Variants in GPRIN3 observed in about 807,000 individuals in gnomAD.
The protein encoded by GPRIN3 is G protein-regulated inducer of neurite outgrowth 3.
A neutral mutation model predicts 13.7 loss-of-function variants in GPRIN3; 12 were observed. The observed-to-expected ratio is 0.87, with a 90% CI of 0.56 to 1.42. The LOEUF is 1.42. GPRIN3 is among the 40% of genes most tolerant of loss of function. The pLI, the probability that GPRIN3 is intolerant of heterozygous loss-of-function variation, is 0.00. For synonymous variants in GPRIN3, 377 were observed against 372.7 expected, an observed-to-expected ratio of 1.01 and a Z score of -0.13; for missense variants, 1,009 against 958.7, an observed-to-expected ratio of 1.05 and a Z score of -0.69.
At chr4:89,273,721 C>T (rs1325992643) in intron 1 of GPRIN3, among the ~76,000 whole-genome samples, 5 of 152,124 alleles carry the variant, frequency 3.3e-5, no homozygotes, top group Admixed American at 3.3e-4. Flanking sequence ...ACACATGCCT[C>T]ATGATTACAG....
In GPRIN3 at chr4:89,246,256, TC is replaced by T. The variant is rs1331878339; in HGVS notation, c.*1523del. On this transcript the variant is annotated 3_prime_UTR_variant, in exon 2 of 2. Coordinates refer to ENST00000609438, the MANE Select transcript of GPRIN3 (RefSeq NM_198281.3). ...TTCTAGCTCATTACGGGGAATGAGT[TC>T]AAAGAAGACAACCGGTGCCCCTCCA... 1 of 152,174 alleles carries T rather than the reference TC, an allele frequency of 6.6e-6. No individual in the cohort carries two copies. The highest frequency in any genetic ancestry group is 1.9e-4 in the East Asian group (1 of 5,184). The allele number at this position is 152,174 out of a possible 1,614,324, so 9.4% of individuals were successfully genotyped here. A position where few individuals can be genotyped will look rare whatever the true frequency, so the allele number is the denominator to read the frequency against.
chr4:89,253,826 ATC>A (rs1445397167), intron 1 of GPRIN3, among the ~76,000 whole-genome samples: 4 of 152,114 alleles, frequency 2.6e-5, no homozygotes, highest in African/African-American at 9.7e-5. Context: ...CTACTCTCCA[ATC>A]TGTCTGCTAA....
rs533566960 is a variant in GPRIN3 at position 89,246,534 on chromosome 4, T to A, written c.*1246A>T. The A allele has an allele frequency of 6.6e-6, 1 of 152,338 alleles. No homozygotes were observed. The highest frequency in any genetic ancestry group is 2.1e-4 in the South Asian group (1 of 4,824). 9.4% of individuals were successfully genotyped at this position (152,338 alleles called of 1,614,324 possible). On this transcript the variant is annotated 3_prime_UTR_variant, in exon 2 of 2. Coordinates refer to ENST00000609438, the MANE Select transcript of GPRIN3 (RefSeq NM_198281.3). ...AATCCACCCAAATCACAAGCCATGT[T>A]TTCGTAAAGGCCTCTTCTTTCATTG... is the stretch of plus-strand genomic sequence containing the variant.
At position 89,237,903 on chromosome 4, in the gene GPRIN3, A is replaced by G. The variant is rs1479096387; in HGVS notation, c.*9877T>C. ...GGCTGGAAACGGCACCTAATGAAAC[A>G]AACACCCACTGGTGGGACATAAACA... is the stretch of plus-strand genomic sequence containing the variant. On this transcript the variant is annotated 3_prime_UTR_variant, in exon 2 of 2. Transcript: ENST00000609438. The G allele has an allele frequency of 2.0e-5, 3 of 152,206 alleles. No homozygotes were observed. Among genetic ancestry groups the G allele is most frequent in the African/African-American group, 7.2e-5 (3 of 41,448 alleles). 9.4% of individuals were successfully genotyped at this position (152,206 alleles called of 1,614,324 possible).
At chr4:89,292,463 TC>T (rs1340330846) in intron 1 of GPRIN3, among the ~76,000 whole-genome samples, 7 of 152,206 alleles carry the variant, frequency 4.6e-5, no homozygotes, top group South Asian at 2.1e-4. Flanking sequence ...ACAAATTAGA[TC>T]ACATATATTT....
At chr4:89,300,703 A>G (rs1364872931) in intron 1 of GPRIN3, among the ~76,000 whole-genome samples, 1 of 152,096 alleles carries the variant, frequency 6.6e-6, no homozygotes, top group African/African-American at 2.4e-5. Context: ...ATTTTCACTC[A>G]CTTAATCAGA....
intron 1 of GPRIN3, among the ~76,000 whole-genome samples, chr4:89,259,195 GTGGGAGGAATAGACTTTTT>G (rs1168833165): frequency 6.6e-6 from 1 of 152,076 alleles, no homozygotes; most frequent in Non-Finnish European, 1.5e-5. Flanking sequence ...TTTCATTCAG[GTGGGAGGAATAGACTTTTT>G]TGGTCCGTTT....
At position 89,249,410 on chromosome 4, in the gene GPRIN3, G is replaced by A. The variant is rs1321203361; in HGVS notation, c.701C>T (p.Ser234Phe). ...QGAICDSEMRSCKPLTRESGC... is the reference protein window; with the variant it reads ...QGAICDSEMRFCKPLTRESGC... ...AGATTCTCTAGTTAGAGGTTTACAGGACCTCATTTCAGAGTCACAGATGGC... is the reference window on the plus strand; with the variant it reads ...AGATTCTCTAGTTAGAGGTTTACAGAACCTCATTTCAGAGTCACAGATGGC... Residue 234 changes from serine to phenylalanine, a missense_variant, in exon 2 of 2, where the codon TCC (serine) becomes TTC (phenylalanine). Coordinates refer to ENST00000609438, the MANE Select transcript of GPRIN3 (RefSeq NM_198281.3). The A allele has an allele frequency of 1.2e-6, 2 of 1,613,980 alleles. No individual in the cohort carries two copies. The highest frequency in any genetic ancestry group is 2.7e-5 in the African/African-American group (2 of 74,898).
chr4:89,247,966 T>C lies in GPRIN3; in HGVS notation c.2145A>G (p.Arg715=). 1 of 1,614,190 alleles carries C rather than the reference T, an allele frequency of 6.2e-7. No homozygotes were observed. Residue 715 remains arginine, a synonymous_variant, in exon 2 of 2, where the codon AGA becomes AGG. Transcript: ENST00000609438. Reference sequence around the variant, plus strand: ...TTAATTTCTCATGTTCCCTGATTTGTCTTTGCAAATGGTTCTGGATCGCGA... The same window carrying C: ...TTAATTTCTCATGTTCCCTGATTTGCCTTTGCAAATGGTTCTGGATCGCGA... ...LGIAIQNHLQ[R]QIREHEKLIK... is the part of the protein sequence containing the mutation.
At chr4:89,267,140 A>G (rs1264784482) in intron 1 of GPRIN3, among the ~76,000 whole-genome samples, 1 of 152,224 alleles carries the variant, frequency 6.6e-6, no homozygotes, top group Admixed American at 6.5e-5. Context: ...AGCAAAATGT[A>G]AAAGAAGGGT....
At position 89,249,984 on chromosome 4, in the gene GPRIN3, T is replaced by A. The variant is rs1723278812; in HGVS notation, c.127A>T (p.Asn43Tyr). 3.1e-6 allele frequency: 5 copies of A among 1,614,218 alleles called. No homozygotes were observed. Among genetic ancestry groups the A allele is most frequent in the Non-Finnish European group, 4.2e-6 (5 of 1,180,018 alleles). Reference protein sequence around the residue: ...PRHRPALLCKNANGFSGAPAE... With the variant: ...PRHRPALLCKYANGFSGAPAE... ...GGGGCACCTGAAAAGCCATTGGCATTCTTACACAGGAGAGCTGGTCGATGC... is the reference window on the plus strand; with the variant it reads ...GGGGCACCTGAAAAGCCATTGGCATACTTACACAGGAGAGCTGGTCGATGC... Residue 43 changes from asparagine (N) to tyrosine (Y), a missense_variant, in exon 2 of 2, where the codon AAT (asparagine) becomes TAT (tyrosine). By Grantham distance (143) the Asn-to-Tyr change is moderately radical. Transcript: ENST00000609438.
chr4:89,268,270 A>G (rs1415947770), intron 1 of GPRIN3, among the ~76,000 whole-genome samples: 2 of 152,358 alleles, frequency 1.3e-5, no homozygotes, highest in East Asian at 1.9e-4. Context: ...CAATGTTGTT[A>G]GTAAGAATAC....
At chr4:89,301,415 T>C (rs1314726158) in intron 1 of GPRIN3, among the ~76,000 whole-genome samples, 1 of 152,216 alleles carries the variant, frequency 6.6e-6, no homozygotes, top group East Asian at 1.9e-4. Context: ...CAAATCTTGA[T>C]AATATTTGCA....
chr4:89,254,033 A>G (rs914717968), intron 1 of GPRIN3, among the ~76,000 whole-genome samples: 1 of 152,046 alleles, frequency 6.6e-6, no homozygotes, highest in Non-Finnish European at 1.5e-5. Flanking sequence ...AGAGTCCATT[A>G]TGGTAAGATT....
At chr4:89,302,454 AT>A (rs1359838967) in intron 1 of GPRIN3, among the ~76,000 whole-genome samples, 14 of 152,298 alleles carry the variant, frequency 9.2e-5, no homozygotes, top group African/African-American at 3.4e-4. Context: ...AAAAATACAG[AT>A]TTCTAAGCCC....
At chr4:89,273,962 G>A (rs1578096537) in intron 1 of GPRIN3, among the ~76,000 whole-genome samples, 1 of 152,186 alleles carries the variant, frequency 6.6e-6, no homozygotes, top group Non-Finnish European at 1.5e-5. Flanking sequence ...CTGAGGATAC[G>A]ACATGAGTAA....
At chr4:89,298,122 GTA>G (rs768957638) in intron 1 of GPRIN3, among the ~76,000 whole-genome samples, 8 of 152,158 alleles carry the variant, frequency 5.3e-5, no homozygotes, top group Non-Finnish European at 7.4e-5. Context: ...TGAGGTTCTG[GTA>G]TCCTCATGAG....
At chr4:89,251,062 C>A (rs556726665) in intron 1 of GPRIN3, 49 of 151,784 alleles carry the variant, frequency 3.2e-4, no homozygotes, top group Admixed American at 1.1e-3. Context: ...AGTGTATAAC[C>A]CTAGAGGGCA....
chr4:89,236,618 T>C lies in GPRIN3; in HGVS notation c.*11162A>G, dbSNP rs189780991. 1.3e-5 allele frequency: 2 copies of C among 152,278 alleles called. No homozygotes were observed. Among genetic ancestry groups the C allele is most frequent in the Admixed American group, 6.5e-5 (1 of 15,304 alleles). The allele number at this position is 152,278 out of a possible 1,614,324, so 9.4% of individuals were successfully genotyped here. ...TGAAATAATTTGGATATTTATCCTCTCCAAATTTCATGTTGAAATTTGGAG... is the reference window on the plus strand; with the variant it reads ...TGAAATAATTTGGATATTTATCCTCCCCAAATTTCATGTTGAAATTTGGAG... On this transcript the variant is annotated 3_prime_UTR_variant, in exon 2 of 2. Coordinates refer to ENST00000609438, the MANE Select transcript of GPRIN3 (RefSeq NM_198281.3).
Sources: allele counts gnomAD v4.1 joint callset (sites outside exome capture counted in the v4.1 genomes callset), GRCh38; gene constraint gnomAD v4.1.1; transcripts MANE v1.5; gene names NCBI Gene and HGNC (gene_info 2026-07-23, HGNC 2026-07-21).